SEM1: variants seen among roughly 807,000 people sequenced by gnomAD.
The protein encoded by SEM1 is 26S proteasome complex subunit SEM1.
In SEM1, 3 loss-of-function variants were observed where a neutral mutation model predicts 12.7. The observed-to-expected ratio is 0.24, with a 90% CI of 0.11 to 0.61. The LOEUF (loss-of-function observed/expected upper bound fraction) is 0.61, where lower values mean the gene tolerates loss of function less well. SEM1 is among the 20% of genes least tolerant of loss of function. The pLI is 0.88. For synonymous variants in SEM1, 30 were observed against 27.8 expected (o/e 1.08, Z -0.25); for missense variants, 59 against 81.3 (o/e 0.73, Z 1.06).
At chr7:96,572,687 G>C (rs1386135024) in intron 2 of SEM1, among the ~76,000 whole-genome samples, 1 of 152,156 alleles carries the variant, frequency 6.6e-6, no homozygotes, top group African/African-American at 2.4e-5. Flanking sequence ...TTGCTGAGAA[G>C]TGTTTTACTT....
rs543809143 is a variant in SEM1, at chr7:96,698,798, T to C, written c.77-3907A>G. Among the ~76,000 whole-genome samples, 4 of 152,306 alleles carry C rather than the reference T, an allele frequency of 2.6e-5. No individual in the cohort carries two copies. In the East Asian group the frequency reaches 5.8e-4, roughly 22 times the overall value. On this transcript the variant is annotated intron_variant, in intron 1 of 2. Coordinates refer to ENST00000248566, the MANE Select transcript of SEM1 (RefSeq NM_006304.2). Reference sequence around the variant, plus strand: ...ATAACCCAGTAATGGGATTGCTGGGTCAAATGGTTATTTCTAGTTCTAGAT... The same window carrying C: ...ATAACCCAGTAATGGGATTGCTGGGCCAAATGGTTATTTCTAGTTCTAGAT...
intron 2 of SEM1, among the ~76,000 whole-genome samples, chr7:96,664,718 T>TAC (rs1789120344): frequency 6.6e-6 from 1 of 152,120 alleles, no homozygotes; most frequent in Non-Finnish European, 1.5e-5. Flanking sequence ...TAAAGACACT[T>TAC]ACACACACAC....
chr7:96,691,488 G>A (rs1170917370), intron 2 of SEM1, among the ~76,000 whole-genome samples: 2 of 152,148 alleles, frequency 1.3e-5, no homozygotes, highest in Non-Finnish European at 1.5e-5. Flanking sequence ...GCAGATCTGG[G>A]GTTGGAACCC....
At chr7:96,496,813 T>G (rs1803288875), upstream of SEM1, among the ~76,000 whole-genome samples, 1 of 152,148 alleles carries the variant, frequency 6.6e-6, no homozygotes, top group South Asian at 2.1e-4. Context: ...TAAATTTCAT[T>G]TCAAGGGCAT....
chr7:96,510,145 T>A (rs946550478), intron 2 of SEM1, among the ~76,000 whole-genome samples: 1 of 152,168 alleles, frequency 6.6e-6, no homozygotes, highest in Non-Finnish European at 1.5e-5. Flanking sequence ...CCCTTGGGTT[T>A]CCACAGGAAA....
intron 2 of SEM1, among the ~76,000 whole-genome samples, chr7:96,590,035 T>C (rs989139877): frequency 6.6e-6 from 1 of 152,236 alleles, no homozygotes; most frequent in South Asian, 2.1e-4. Flanking sequence ...CCATTCAGGC[T>C]AATATTTCTT....
intron 1 of SEM1, among the ~76,000 whole-genome samples, chr7:96,488,708 A>G (rs1249915439): frequency 2.0e-5 from 3 of 152,112 alleles, no homozygotes; most frequent in Non-Finnish European, 4.4e-5. Flanking sequence ...TGTGGATTTT[A>G]CCAACGCTTT....
intron 2 of SEM1, among the ~76,000 whole-genome samples, chr7:96,563,570 T>C (rs967149443): frequency 1.3e-5 from 2 of 152,086 alleles, no homozygotes; most frequent in African/African-American, 4.8e-5. Flanking sequence ...CGATGTTTGT[T>C]AAAACTAGAG....
chr7:96,524,066 C>G (rs1804368832), intron 2 of SEM1, among the ~76,000 whole-genome samples: 2 of 152,088 alleles, frequency 1.3e-5, no homozygotes, highest in Non-Finnish European at 2.9e-5. Context: ...AAACAGGGCA[C>G]TTCTTATGTA....
intron 2 of SEM1, among the ~76,000 whole-genome samples, chr7:96,676,132 G>C (rs543595402): frequency 2.6e-4 from 39 of 152,292 alleles, no homozygotes; most frequent in Admixed American, 1.0e-3. Context: ...CTGCAGTAAG[G>C]GGTGAAATTT....
chr7:96,553,170 T>C (rs1409172986), intron 2 of SEM1, among the ~76,000 whole-genome samples: 8 of 151,058 alleles, frequency 5.3e-5, no homozygotes. Context: ...TGGTAGTTTC[T>C]TTTGCTGTGC....
intron 2 of SEM1, among the ~76,000 whole-genome samples, chr7:96,592,937 A>T (rs1177205607): frequency 3.4e-5 from 5 of 147,148 alleles, no homozygotes; most frequent in African/African-American, 1.3e-4. Context: ...TTTTCCACAT[A>T]TTACCGTCCT....
At chr7:96,584,984 C>T (rs895462333) in intron 2 of SEM1, among the ~76,000 whole-genome samples, 9 of 151,628 alleles carry the variant, frequency 5.9e-5, no homozygotes, top group Admixed American at 2.6e-4. Context: ...AGTCATTCTC[C>T]ATCCAGCTTT....
chr7:96,700,665 G>C (rs749734063), intron 1 of SEM1, among the ~76,000 whole-genome samples: 1 of 152,152 alleles, frequency 6.6e-6, no homozygotes, highest in African/African-American at 2.4e-5. Context: ...CTTTCAATGA[G>C]TAATGTTTAA....
chr7:96,611,345 GC>G (rs1422740592), intron 2 of SEM1, among the ~76,000 whole-genome samples: 1 of 152,122 alleles, frequency 6.6e-6, no homozygotes, highest in Admixed American at 6.5e-5. Flanking sequence ...GATAAACCCA[GC>G]TATCAAATTT....
chr7:96,669,661 A>C (rs1447095865), downstream of SEM1, among the ~76,000 whole-genome samples: 1 of 152,148 alleles, frequency 6.6e-6, no homozygotes, highest in African/African-American at 2.4e-5. Flanking sequence ...AGGATACATA[A>C]GATAAGTGGC....
chr7:96,552,592 G>T lies in SEM1; in HGVS notation c.171-45894C>A, dbSNP rs529184218. ...CATTTTCTTAATCCAGTCTATCATT[G>T]TTGGACATTTGGGTTGGTTCCAAGT... On this transcript the variant is annotated intron_variant and NMD_transcript_variant, in intron 2 of 3. Transcript: ENST00000466986. Among the ~76,000 whole-genome samples, 8 of 146,204 alleles carry T rather than the reference G, an allele frequency of 5.5e-5. No individual in the cohort carries two copies. The South Asian group carries it at 1.1e-3, about 21-fold the overall frequency.
At chr7:96,588,353 AACACACACACACACACAC>A (rs56655484) in intron 2 of SEM1, among the ~76,000 whole-genome samples, 3,634 of 140,996 alleles carry the variant, frequency 0.026, 150 homozygotes, top group African/African-American at 0.091. Context: ...TCTAAAAACA[AACACACACACACACACAC>A]ACACACACAC....
intron 2 of SEM1, among the ~76,000 whole-genome samples, chr7:96,667,619 T>C (rs1374228011): frequency 6.6e-6 from 1 of 152,196 alleles, no homozygotes; most frequent in Non-Finnish European, 1.5e-5. Flanking sequence ...GTTTTTTCTC[T>C]AGGGTTACTG....
Sources: gnomAD v4.1 joint callset for allele counts (sites outside exome capture counted in the v4.1 genomes callset) on GRCh38, gnomAD v4.1.1 for gene constraint, MANE v1.5 for transcripts, NCBI Gene and HGNC (gene_info 2026-07-23, HGNC 2026-07-21) for gene names.